Variants in ALOX5 observed in about 807,000 individuals in gnomAD.
ALOX5 encodes polyunsaturated fatty acid 5-lipoxygenase.
A neutral mutation model predicts 87.9 loss-of-function variants in ALOX5; 64 were observed. The ratio of observed to expected loss-of-function variants is 0.73; its 90% CI spans 0.60 to 0.90. ALOX5 has a LOEUF of 0.90. ALOX5 is among the 40% of genes least tolerant of loss of function. The pLI is 0.00. For missense variants in ALOX5, 822 were observed against 907.5 expected (o/e 0.91, Z 1.21); for synonymous variants, 388 against 355.1 (o/e 1.09, Z -1.04).
At chr10:45,394,702 C>T (rs1241231074) in intron 2 of ALOX5, among the ~76,000 whole-genome samples, 6 of 152,284 alleles carry the variant, frequency 3.9e-5, no homozygotes, top group Middle Eastern at 3.4e-3. Context: ...TTGCAATCTA[C>T]TCATCTGACA....
chr10:45,421,069 CTG>C (rs1841489735), intron 4 of ALOX5, among the ~76,000 whole-genome samples: 1 of 152,224 alleles, frequency 6.6e-6, no homozygotes, highest in Admixed American at 6.5e-5. Context: ...TGTTACCTGC[CTG>C]TGTGGCCTTG....
chr10:45,391,081 C>CCCTCTCCCTCTT (rs1398592699), intron 2 of ALOX5, among the ~76,000 whole-genome samples: 1,784 of 132,834 alleles, frequency 0.013, 133 homozygotes, highest in African/African-American at 0.051. Context: ...CCCACGGTCT[C>CCCTCTCCCTCTT]CCTCTCCCTC....
chr10:45,382,151 C>G (rs1839852772), intron 1 of ALOX5, among the ~76,000 whole-genome samples: 1 of 152,222 alleles, frequency 6.6e-6, no homozygotes, highest in Non-Finnish European at 1.5e-5. Context: ...GGGCAGGTAA[C>G]TGGGCAGGGA....
chr10:45,392,636 CT>C (rs1327684394), intron 2 of ALOX5, among the ~76,000 whole-genome samples: 1 of 151,648 alleles, frequency 6.6e-6, no homozygotes, highest in African/African-American at 2.4e-5. Context: ...ATCTGCTGAC[CT>C]TCCCTCCACT....
intron 13 of ALOX5, 68 bp downstream of exon 13, chr10:45,444,354 CT>C (rs1842364120): frequency 6.8e-7 from 1 of 1,472,000 alleles, no homozygotes; most frequent in African/African-American, 1.4e-5. Context: ...AGCCTCAGGG[CT>C]TTGTGACTCG....
At chr10:45,393,427 T>C (rs1381574350) in intron 2 of ALOX5, among the ~76,000 whole-genome samples, 9 of 152,176 alleles carry the variant, frequency 5.9e-5, no homozygotes, top group Non-Finnish European at 1.3e-4. Flanking sequence ...AAACTCTCAA[T>C]AAATTAGGTA....
At chr10:45,390,919 G>A (rs1588990772) in intron 2 of ALOX5, among the ~76,000 whole-genome samples, 2 of 151,940 alleles carry the variant, frequency 1.3e-5, no homozygotes, top group South Asian at 4.2e-4. Flanking sequence ...TTTTTGAAAG[G>A]ATCAACAAAA....
intron 7 of ALOX5, among the ~76,000 whole-genome samples, chr10:45,439,960 A>G (rs887565215): frequency 6.6e-6 from 1 of 152,166 alleles, no homozygotes; most frequent in Non-Finnish European, 1.5e-5. Flanking sequence ...AGAAAAGAAG[A>G]CAGGAGCACC....
intron 2 of ALOX5, among the ~76,000 whole-genome samples, chr10:45,384,073 G>A (rs931560044): frequency 1.3e-5 from 2 of 152,170 alleles, no homozygotes; most frequent in African/African-American, 2.4e-5. Flanking sequence ...CATGTGCAGA[G>A]GGACCATGCA....
chr10:45,424,041 G>T lies in ALOX5; in HGVS notation c.555G>T (p.Ala185=). The change falls in exon 5 of 14, where the codon GCG becomes GCT. Residue 185 remains alanine (A), a splice_region_variant and synonymous_variant. Transcript: ENST00000374391. ...AGGTGACCTCTCTCCTGGTCTGCAG[G>T]ATGGAGAACCTGTTCATCAACCGCT... ...GVDFVLNYSK[A]MENLFINRFM... is the part of the protein sequence containing the mutation. 6.2e-7 allele frequency: 1 copy of T among 1,613,714 alleles called. No individual in the cohort carries two copies. The highest frequency in any genetic ancestry group is 8.5e-7 in the Non-Finnish European group (1 of 1,179,594).
At chr10:45,391,215 GC>G (rs1840232303) in intron 2 of ALOX5, among the ~76,000 whole-genome samples, 1 of 151,952 alleles carries the variant, frequency 6.6e-6, no homozygotes, top group Non-Finnish European at 1.5e-5. Flanking sequence ...GCCTCAGCCT[GC>G]CGAGTGCCTG....
chr10:45,428,891 C>A, intron 7 of ALOX5, 127 bp downstream of exon 7: 3 of 1,288,276 alleles, frequency 2.3e-6, no homozygotes, highest in Non-Finnish European at 3.2e-6. Context: ...TTCCTGCAGG[C>A]CCTGAGGTGG....
chr10:45,395,152 C>T (rs1418963264), intron 2 of ALOX5, among the ~76,000 whole-genome samples: 1 of 152,182 alleles, frequency 6.6e-6, no homozygotes, highest in Non-Finnish European at 1.5e-5. Context: ...AAGACACATG[C>T]ACACGTATGT....
At chr10:45,430,478 A>G (rs568270649) in intron 7 of ALOX5, among the ~76,000 whole-genome samples, 58 of 152,262 alleles carry the variant, frequency 3.8e-4, no homozygotes, top group African/African-American at 9.6e-4. Context: ...AAAAAGAGTA[A>G]TTATAGCCAG....
intron 4 of ALOX5, among the ~76,000 whole-genome samples, chr10:45,422,219 C>T (rs1399636493): frequency 6.6e-6 from 1 of 152,164 alleles, no homozygotes. Context: ...GGGTGATTCC[C>T]CTGAGACAAC....
At chr10:45,389,893 A>G (rs1238490134) in intron 2 of ALOX5, among the ~76,000 whole-genome samples, 1 of 152,252 alleles carries the variant, frequency 6.6e-6, no homozygotes, top group African/African-American at 2.4e-5. Flanking sequence ...AAAGACACAG[A>G]CTGGCAAATT....
chr10:45,395,219 A>G (rs1005938310), intron 2 of ALOX5, among the ~76,000 whole-genome samples: 4 of 152,250 alleles, frequency 2.6e-5, no homozygotes, highest in African/African-American at 9.6e-5. Flanking sequence ...ATGTCCATCA[A>G]TGATAGACTG....
At position 45,443,834 on chromosome 10, in the gene ALOX5, C is replaced by T; in HGVS notation, c.1674+6C>T. On this transcript the variant is annotated splice_donor_region_variant and intron_variant, in intron 12 of 13. Coordinates refer to ENST00000374391, the MANE Select transcript of ALOX5 (RefSeq NM_000698.5). ...CCGCGGTCAACTTCGGCCAGGTAGGCAGGGCCGGGCCCGCTGGGCAGGGCT... is the reference window on the plus strand; with the variant it reads ...CCGCGGTCAACTTCGGCCAGGTAGGTAGGGCCGGGCCCGCTGGGCAGGGCT... 6.3e-7 allele frequency: 1 copy of T among 1,597,582 alleles called. No homozygotes were observed. The highest frequency in any genetic ancestry group is 8.5e-7 in the Non-Finnish European group (1 of 1,172,962).
rs1271537601 is a variant in ALOX5, at chr10:45,395,102, C to T, written c.350-753C>T. 2.6e-5 allele frequency among the ~76,000 whole-genome samples: 4 copies of T among 152,326 alleles called. No homozygotes were observed. In the East Asian group the frequency reaches 5.8e-4, roughly 22 times the overall value. On this transcript the variant is annotated intron_variant, in intron 2 of 13. Coordinates refer to ENST00000374391, the MANE Select transcript of ALOX5 (RefSeq NM_000698.5). The stretch of plus-strand genomic sequence containing the variant: ...ACCATTTGACCCAGCCATCCCATTA[C>T]TGGGTATATACCCAAAGGATTATAA...
Sources: allele counts gnomAD v4.1 joint callset (sites outside exome capture counted in the v4.1 genomes callset), GRCh38; gene constraint gnomAD v4.1.1; transcripts MANE v1.5; gene names NCBI Gene and HGNC (gene_info 2026-07-23, HGNC 2026-07-21).